AKAP6: variants seen among roughly 807,000 people sequenced by gnomAD.
AKAP6 encodes A-kinase anchoring protein 6, also known as A-kinase anchor protein 6.
Under a neutral mutation model 188.5 loss-of-function variants are expected in AKAP6, and 58 were observed. The observed-to-expected ratio is 0.31, with a 90% CI of 0.25 to 0.38. The LOEUF (loss-of-function observed/expected upper bound fraction) is 0.38, where lower values mean the gene tolerates loss of function less well. Among genes scored for constraint, AKAP6 ranks in the 10% least tolerant of loss-of-function variants. AKAP6 has a pLI of 1.00. For missense variants in AKAP6, 2,710 were observed against 2,740.0 expected (o/e 0.99, Z 0.24); for synonymous variants, 989 against 998.6 (o/e 0.99, Z 0.18).
intron 9 of AKAP6, among the ~76,000 whole-genome samples, chr14:32,696,976 G>GC (rs1890430001): frequency 6.6e-6 from 1 of 152,046 alleles, no homozygotes; most frequent in African/African-American, 2.4e-5. Flanking sequence ...ATATTTCAAA[G>GC]AGCAGATTGT....
chr14:32,523,438 A>T (rs892063105), intron 2 of AKAP6, among the ~76,000 whole-genome samples: 1 of 152,046 alleles, frequency 6.6e-6, no homozygotes, highest in African/African-American at 2.4e-5. Flanking sequence ...TCGAAAAAAG[A>T]ACAAAAATCA....
At chr14:32,624,350 A>G (rs1289654306) in intron 7 of AKAP6, among the ~76,000 whole-genome samples, 1 of 152,168 alleles carries the variant, frequency 6.6e-6, no homozygotes, top group Non-Finnish European at 1.5e-5. Flanking sequence ...CCATGATATA[A>G]TGACCCATTA....
At chr14:32,406,976 G>GT (rs1889317045) in intron 1 of AKAP6, among the ~76,000 whole-genome samples, 1 of 152,216 alleles carries the variant, frequency 6.6e-6, no homozygotes, top group South Asian at 2.1e-4. Flanking sequence ...TCTTTTTGCC[G>GT]TAAGACTGCT....
At chr14:32,725,687 G>A (rs530279291) in intron 9 of AKAP6, among the ~76,000 whole-genome samples, 150 of 152,056 alleles carry the variant, frequency 9.9e-4, no homozygotes, top group African/African-American at 3.3e-3. Flanking sequence ...AAATCTATTC[G>A]TAACAGGAAG....
At position 32,449,536 on chromosome 14, in the gene AKAP6, A is replaced by AAG. The variant is rs769389437; in HGVS notation, c.324+15720_324+15721insGA. ...GACTCCATCTCAAAAAAAAAAAAAA[A>AAG]AAAAAGAAAAAGGAAAAGAATAAAT... On this transcript the variant is annotated intron_variant, in intron 2 of 13. Coordinates refer to ENST00000280979, the MANE Select transcript of AKAP6 (RefSeq NM_004274.5). 6.5e-3 allele frequency among the ~76,000 whole-genome samples: 982 copies of AAG among 151,502 alleles called. 3 individuals are homozygous for AAG. Among genetic ancestry groups the AAG allele is most frequent in the Non-Finnish European group, 0.011 (723 of 67,874 alleles).
intron 4 of AKAP6, among the ~76,000 whole-genome samples, chr14:32,548,202 A>G (rs1303882706): frequency 6.6e-6 from 1 of 151,272 alleles, no homozygotes; most frequent in Admixed American, 6.6e-5. Context: ...CCCAGGTTCA[A>G]GAGATTACCC....
rs1884299597 is a variant in AKAP6, at chr14:32,568,360, ATC to A, written c.2347-8758_2347-8757del. Among the ~76,000 whole-genome samples, 3 of 152,308 alleles carry A rather than the reference ATC, an allele frequency of 2.0e-5. No homozygotes were observed. The South Asian group carries it at 6.2e-4, about 32-fold the overall frequency. On this transcript the variant is annotated intron_variant, in intron 4 of 13. Transcript: ENST00000280979. The surrounding 1 kb of genome is among the most constrained non-coding windows in gnomAD (Gnocchi z 6.2). Reference sequence around the variant, plus strand: ...AACTTCTCTATGCCTTAGCCTCTTCATCTGTACAATGGGGAAATTTGACTATT... The same window carrying A: ...AACTTCTCTATGCCTTAGCCTCTTCATGTACAATGGGGAAATTTGACTATT...
intron 2 of AKAP6, among the ~76,000 whole-genome samples, chr14:32,525,201 A>T (rs1217528932): frequency 6.6e-6 from 1 of 152,172 alleles, no homozygotes; most frequent in Non-Finnish European, 1.5e-5. Context: ...GCTTAGAAAA[A>T]CAATTTCTCC....
At chr14:32,663,299 T>C (rs536230775) in intron 7 of AKAP6, among the ~76,000 whole-genome samples, 1 of 152,156 alleles carries the variant, frequency 6.6e-6, no homozygotes, top group Admixed American at 6.6e-5. Flanking sequence ...AATAGTATCT[T>C]CAGCTCTTCC....
chr14:32,646,952 C>G (rs1284529827), intron 7 of AKAP6, among the ~76,000 whole-genome samples: 1 of 152,096 alleles, frequency 6.6e-6, no homozygotes, highest in African/African-American at 2.4e-5. Context: ...AGTTACTAAT[C>G]TTGCTAGTTT....
chr14:32,462,499 A>G (rs1466623932), intron 2 of AKAP6, among the ~76,000 whole-genome samples: 1 of 152,198 alleles, frequency 6.6e-6, no homozygotes, highest in Non-Finnish European at 1.5e-5. Context: ...CAAAGGAGAA[A>G]TAAAATTCTT....
intron 4 of AKAP6, among the ~76,000 whole-genome samples, chr14:32,564,047 G>A (rs191749533): frequency 8.6e-4 from 131 of 152,210 alleles, no homozygotes; most frequent in Admixed American, 2.8e-3. Context: ...TATGTAAATT[G>A]TATAGTATTT....
At chr14:32,397,049 C>T (rs189458311) in intron 1 of AKAP6, among the ~76,000 whole-genome samples, 2 of 152,252 alleles carry the variant, frequency 1.3e-5, no homozygotes, top group African/African-American at 4.8e-5. Context: ...TTTCCTTAGA[C>T]CAGTGCTTAT....
intron 2 of AKAP6, among the ~76,000 whole-genome samples, chr14:32,511,948 C>G (rs1881284543): frequency 6.6e-6 from 1 of 152,180 alleles, no homozygotes; most frequent in African/African-American, 2.4e-5. Flanking sequence ...TTGTCCCATC[C>G]TTGTAAATCT....
chr14:32,465,124 C>T (rs953065498), intron 2 of AKAP6, among the ~76,000 whole-genome samples: 45 of 152,140 alleles, frequency 3.0e-4, no homozygotes, highest in Middle Eastern at 3.4e-3. Flanking sequence ...TCCATGCTCA[C>T]GGATAGGAAG....
intron 11 of AKAP6, among the ~76,000 whole-genome samples, chr14:32,766,161 G>A (rs2032712744): frequency 6.6e-6 from 1 of 151,956 alleles, no homozygotes; most frequent in South Asian, 2.1e-4. Context: ...ATGTTCTCAA[G>A]GTTCATCCAT....
intron 7 of AKAP6, among the ~76,000 whole-genome samples, chr14:32,614,361 G>T (rs1886469250): frequency 6.6e-6 from 1 of 152,192 alleles, no homozygotes; most frequent in South Asian, 2.1e-4. Flanking sequence ...AGAGTTTGAA[G>T]ATGAAATCTC....
chr14:32,519,079 T>A (rs111506035), intron 2 of AKAP6, among the ~76,000 whole-genome samples: 2 of 152,248 alleles, frequency 1.3e-5, no homozygotes, highest in South Asian at 2.1e-4. Context: ...CCAGAATTTC[T>A]TATCCAGCCA....
chr14:32,380,420 C>T (rs948864918), intron 1 of AKAP6, among the ~76,000 whole-genome samples: 2 of 152,218 alleles, frequency 1.3e-5, no homozygotes, highest in African/African-American at 4.8e-5. Flanking sequence ...TTATCTCTCA[C>T]TCTCCCTGCC....
Sources: allele counts gnomAD v4.1 joint callset (sites outside exome capture counted in the v4.1 genomes callset), GRCh38; gene constraint gnomAD v4.1.1; non-coding constraint Gnocchi (gnomAD v3.1); transcripts MANE v1.5; gene names NCBI Gene and HGNC (gene_info 2026-07-23, HGNC 2026-07-21).